The following EBF1 variants were observed in gnomAD, a reference collection of about 807,000 sequenced individuals.
EBF1 encodes transcription factor COE1.
Under a neutral mutation model 68.4 loss-of-function variants are expected in EBF1, and 10 were observed. The observed-to-expected ratio is 0.15, with a 90% CI of 0.09 to 0.25. EBF1 has a LOEUF of 0.25. Ranked by LOEUF, EBF1 falls within the 10% of genes least tolerant of loss-of-function variation. The probability of loss-of-function intolerance (pLI) is 1.00; values close to 1 mark genes in which losing one functional copy is unlikely to be tolerated. For missense variants in EBF1, 509 were observed against 794.4 expected (o/e 0.64, Z 4.32); for synonymous variants, 298 against 299.8 (o/e 0.99, Z 0.06).
intron 6 of EBF1, among the ~76,000 whole-genome samples, chr5:159,024,332 C>T (rs1767295380): frequency 6.6e-6 from 1 of 152,194 alleles, no homozygotes. Context: ...AAGTGATAGG[C>T]TGATGCTTAG....
intron 7 of EBF1, among the ~76,000 whole-genome samples, chr5:158,833,370 C>T (rs1173184511): frequency 6.6e-6 from 1 of 151,778 alleles, no homozygotes; most frequent in Non-Finnish European, 1.5e-5. Flanking sequence ...TCATAATAAC[C>T]TGTTTAATTT....
At chr5:158,932,345 A>G (rs1811058739) in intron 6 of EBF1, among the ~76,000 whole-genome samples, 1 of 152,236 alleles carries the variant, frequency 6.6e-6, no homozygotes, top group Non-Finnish European at 1.5e-5. Context: ...GCATATTAAT[A>G]AAAATAGCAA....
At chr5:158,916,859 G>C (rs1243488007) in intron 6 of EBF1, among the ~76,000 whole-genome samples, 1 of 152,098 alleles carries the variant, frequency 6.6e-6, no homozygotes, top group Non-Finnish European at 1.5e-5. Flanking sequence ...TATACATTTG[G>C]AGCCATTGTC....
chr5:158,892,234 A>G (rs1457415400), intron 6 of EBF1, among the ~76,000 whole-genome samples: 1 of 152,182 alleles, frequency 6.6e-6, no homozygotes, highest in African/African-American at 2.4e-5. Context: ...TATGCCTGTA[A>G]TCCCATCACT....
In EBF1 at chr5:158,787,006, A is replaced by G. The variant is rs143914013; in HGVS notation, c.909+9339T>C. ...GTGGTGTTTGTCATATCTAGATATGATATACATTGATACTAGCACATGCAA... is the reference window on the plus strand; with the variant it reads ...GTGGTGTTTGTCATATCTAGATATGGTATACATTGATACTAGCACATGCAA... On this transcript the variant is annotated intron_variant, in intron 9 of 15. Coordinates refer to ENST00000313708, the MANE Select transcript of EBF1 (RefSeq NM_024007.5). 1.1e-4 allele frequency among the ~76,000 whole-genome samples: 17 copies of G among 152,274 alleles called. No homozygotes were observed. The East Asian group carries it at 3.3e-3, about 29-fold the overall frequency.
intron 6 of EBF1, among the ~76,000 whole-genome samples, chr5:158,886,972 A>T (rs1800172758): frequency 6.6e-6 from 1 of 152,224 alleles, no homozygotes; most frequent in Non-Finnish European, 1.5e-5. Context: ...ATTGCACTCC[A>T]GCCTGGGCAA....
intron 10 of EBF1, among the ~76,000 whole-genome samples, chr5:158,736,205 A>G (rs1472702097): frequency 6.6e-6 from 1 of 152,228 alleles, no homozygotes; most frequent in Admixed American, 6.5e-5. Flanking sequence ...ATTCTCAGTT[A>G]TGAAAAATGA....
rs189123463 is a variant in EBF1 at position 158,973,743 on chromosome 5, C to T, written c.554+99653G>A. Reference sequence around the variant, plus strand: ...TTGAATGAGGCAAACATTTATCTTCCGTGGTAAAAATTAATTCATATTCTA... The same window carrying T: ...TTGAATGAGGCAAACATTTATCTTCTGTGGTAAAAATTAATTCATATTCTA... On this transcript the variant is annotated intron_variant, in intron 6 of 15. Coordinates refer to ENST00000313708, the MANE Select transcript of EBF1 (RefSeq NM_024007.5). Among the ~76,000 whole-genome samples, 131 of 152,206 alleles carry T rather than the reference C, an allele frequency of 8.6e-4. 1 individual carries two copies. The Middle Eastern group carries it at 0.01, about 12-fold the overall frequency.
intron 15 of EBF1, among the ~76,000 whole-genome samples, chr5:158,706,933 C>T (rs74650727): frequency 0.015 from 2,239 of 152,292 alleles, 59 homozygotes; most frequent in African/African-American, 0.051. Context: ...CTGTTCAGTG[C>T]TCAATAAATG....
chr5:159,071,877 G>A (rs527376150), intron 6 of EBF1, among the ~76,000 whole-genome samples: 3 of 152,198 alleles, frequency 2.0e-5, no homozygotes, highest in Non-Finnish European at 4.4e-5. Flanking sequence ...CCTTTGATCC[G>A]TACACTTTCT....
intron 6 of EBF1, among the ~76,000 whole-genome samples, chr5:158,974,497 TG>T (rs1756311496): frequency 6.6e-6 from 1 of 152,144 alleles, no homozygotes; most frequent in African/African-American, 2.4e-5. Flanking sequence ...AAATCCTCAT[TG>T]GAAACATACA....
chr5:158,981,889 C>T (rs1047730326), intron 6 of EBF1, among the ~76,000 whole-genome samples: 7 of 152,062 alleles, frequency 4.6e-5, no homozygotes, highest in African/African-American at 1.7e-4. Context: ...GTCCAGCGGA[C>T]ACATATAGCA....
intron 6 of EBF1, among the ~76,000 whole-genome samples, chr5:158,922,082 T>G (rs909428835): frequency 1.3e-5 from 2 of 152,266 alleles, no homozygotes; most frequent in African/African-American, 4.8e-5. Flanking sequence ...GCTTGGCAGC[T>G]ACTGCCTATA....
At chr5:158,772,432 TGAGATGGAAATAA>T (rs1240082773) in intron 10 of EBF1, among the ~76,000 whole-genome samples, 1 of 152,104 alleles carries the variant, frequency 6.6e-6, no homozygotes, top group Non-Finnish European at 1.5e-5. Context: ...GAGGAGGGGC[TGAGATGGAAATAA>T]GAGAACAAGC....
At chr5:158,975,143 G>A (rs1420090070) in intron 6 of EBF1, among the ~76,000 whole-genome samples, 1 of 152,162 alleles carries the variant, frequency 6.6e-6, no homozygotes, top group Non-Finnish European at 1.5e-5. Flanking sequence ...TTGAATATTT[G>A]AGGGGAAAAC....
intron 12 of EBF1, 83 bp from the exon 13 acceptor site, chr5:158,713,230 C>A: frequency 1.6e-6 from 2 of 1,222,430 alleles, no homozygotes; most frequent in Non-Finnish European, 2.1e-6. Context: ...AGGTACCGTG[C>A]TCAGGGTTTT....
chr5:159,004,253 G>C (rs1260183470), intron 6 of EBF1, among the ~76,000 whole-genome samples: 1 of 149,050 alleles, frequency 6.7e-6, no homozygotes, highest in Non-Finnish European at 1.5e-5. Context: ...TCCCGCCTGG[G>C]TGACAAGAGC....
intron 8 of EBF1, among the ~76,000 whole-genome samples, chr5:158,810,138 G>A (rs1256245349): frequency 1.3e-5 from 2 of 152,060 alleles, no homozygotes; most frequent in Non-Finnish European, 2.9e-5. Flanking sequence ...TGATGATTCC[G>A]CCAGAAGATT....
intron 9 of EBF1, among the ~76,000 whole-genome samples, chr5:158,784,780 C>T (rs1777083971): frequency 6.6e-6 from 1 of 152,214 alleles, no homozygotes; most frequent in Non-Finnish European, 1.5e-5. Context: ...AAATAATGAG[C>T]ATTTGTGGCT....
Sources: allele counts gnomAD v4.1 joint callset (sites outside exome capture counted in the v4.1 genomes callset), GRCh38; gene constraint gnomAD v4.1.1; transcripts MANE v1.5; gene names NCBI Gene and HGNC (gene_info 2026-07-23, HGNC 2026-07-21).